KCNIP3: variants seen among roughly 807,000 people sequenced by gnomAD.
KCNIP3 encodes the protein potassium voltage-gated channel interacting protein 3, also known as calsenilin.
In KCNIP3, 28 loss-of-function variants were observed where a neutral mutation model predicts 35.0. The observed-to-expected ratio is 0.80, with a 90% CI of 0.59 to 1.10. The LOEUF is 1.10. KCNIP3 is among the 50% of genes least tolerant of loss of function. The probability of loss-of-function intolerance (pLI) is 0.00; values close to 1 mark genes in which losing one functional copy is unlikely to be tolerated. For synonymous variants in KCNIP3, 134 were observed against 133.8 expected, an observed-to-expected ratio of 1.00 and a Z score of -0.01; for missense variants, 295 against 338.4, an observed-to-expected ratio of 0.87 and a Z score of 1.01.
intron 2 of KCNIP3, among the ~76,000 whole-genome samples, chr2:95,314,116 C>T (rs1440896135): frequency 6.6e-6 from 1 of 152,118 alleles, no homozygotes; most frequent in East Asian, 1.9e-4. Context: ...ATGGCAACCC[C>T]ACGTAAAATC....
Position 95,384,021 on chromosome 2 carries a change from C to T in KCNIP3, c.743C>T (p.Ser248Phe). The T allele has an allele frequency of 6.2e-7, 1 of 1,613,988 alleles. No individual in the cohort carries two copies. Among genetic ancestry groups the T allele is most frequent in the South Asian group, 1.1e-5 (1 of 91,084 alleles). The change falls in exon 9 of 9, where the codon TCC (serine) becomes TTC (phenylalanine). Residue 248 changes from serine (S) to phenylalanine (F), a missense_variant. Ser to Phe is a radical substitution (Grantham distance 155, BLOSUM62 -2). Transcript: ENST00000295225. ...ACQKDENIMS[S>F]MQLFENVI ...ATGCAGGATGAGAACATCATGAGCT[C>T]CATGCAGCTGTTTGAGAATGTCATC...
Position 95,378,491 on chromosome 2 carries a change from T to C in KCNIP3, c.448-3105T>C, listed in dbSNP as rs1680257642. Among the ~76,000 whole-genome samples the C allele has an allele frequency of 6.6e-6, 1 of 151,754 alleles. No individual in the cohort carries two copies. Among genetic ancestry groups the C allele is most frequent in the African/African-American group, 2.4e-5 (1 of 41,298 alleles). ...GGCTCACGCCTGCAATCCCAGCACT[T>C]TGAGAGGCCAAGGCGGTCAGATCAC... On this transcript the variant is annotated intron_variant, in intron 5 of 8. Coordinates refer to ENST00000295225, the MANE Select transcript of KCNIP3 (RefSeq NM_013434.5). This position sits in a 1 kb window ranked among gnomAD's most constrained non-coding sequence, Gnocchi z 4.0.
intron 1 of KCNIP3, among the ~76,000 whole-genome samples, chr2:95,300,772 T>C (rs1678006205): frequency 6.6e-6 from 1 of 152,216 alleles, no homozygotes; most frequent in African/African-American, 2.4e-5. Flanking sequence ...GCAGCTGAGC[T>C]GAGACGGGAG....
At chr2:95,300,395 A>C (rs1013402709) in intron 1 of KCNIP3, among the ~76,000 whole-genome samples, 17 of 152,246 alleles carry the variant, frequency 1.1e-4, no homozygotes, top group African/African-American at 4.1e-4. Context: ...GAGGGGCCTT[A>C]GAGCCCCCCT....
chr2:95,370,797 G>A (rs1680024150), intron 2 of KCNIP3, among the ~76,000 whole-genome samples: 2 of 151,334 alleles, frequency 1.3e-5, no homozygotes, highest in Non-Finnish European at 2.9e-5. Context: ...GTTTTGCTCT[G>A]TCAACAGGCT....
rs1409850571 is a variant in KCNIP3, at chr2:95,376,436, G to A, written c.447+1228G>A. Among the ~76,000 whole-genome samples the A allele has an allele frequency of 2.0e-5, 3 of 152,194 alleles. No individual in the cohort carries two copies. The highest frequency in any genetic ancestry group is 2.0e-4 in the Admixed American group (3 of 15,284). ...GTCACAGTCGCCCCTCACCTCCTGTGGCCATCACCCTCGCTGTCCTGAGGG... is the reference window on the plus strand; with the variant it reads ...GTCACAGTCGCCCCTCACCTCCTGTAGCCATCACCCTCGCTGTCCTGAGGG... On this transcript the variant is annotated intron_variant, in intron 5 of 8. Transcript: ENST00000295225. This position sits in a 1 kb window ranked among gnomAD's most constrained non-coding sequence, Gnocchi z 4.2.
At position 95,297,935 on chromosome 2, in the gene KCNIP3, T is replaced by G. The variant is rs564180718; in HGVS notation, c.15+482T>G. ...GAGGTTGGTCAATGAACGCATCTTC[T>G]AATCAAGCAATCAAGTAACGAATGA... On this transcript the variant is annotated intron_variant, in intron 1 of 8. Transcript: ENST00000295225. Among the ~76,000 whole-genome samples the G allele has an allele frequency of 2.0e-5, 3 of 152,286 alleles. No individual in the cohort carries two copies. The East Asian group carries it at 5.8e-4, about 29-fold the overall frequency.
chr2:95,340,336 C>G (rs1679166099), intron 2 of KCNIP3, among the ~76,000 whole-genome samples: 1 of 78,650 alleles, frequency 1.3e-5, no homozygotes, highest in East Asian at 2.8e-4. Context: ...AACTCCATCT[C>G]AAAAACAAAC....
intron 2 of KCNIP3, among the ~76,000 whole-genome samples, chr2:95,315,733 T>C (rs1442618013): frequency 1.3e-5 from 2 of 149,556 alleles, no homozygotes; most frequent in Non-Finnish European, 1.5e-5. Context: ...ATAAGTCACC[T>C]CCGAAAGTTT....
At position 95,345,547 on chromosome 2, in the gene KCNIP3, C is replaced by T. The variant is rs548851577; in HGVS notation, c.182-28749C>T. 9.2e-5 allele frequency among the ~76,000 whole-genome samples: 14 copies of T among 152,376 alleles called. No homozygotes were observed. In the East Asian group the frequency reaches 2.3e-3, roughly 25 times the overall value. ...GCTCCCTAGATGGAAGCTGCAATTG[C>T]TCAGGCCGTGAGTCCAAACAGGACT... On this transcript the variant is annotated intron_variant, in intron 2 of 8. Coordinates refer to ENST00000295225, the MANE Select transcript of KCNIP3 (RefSeq NM_013434.5).
At chr2:95,326,228 TACAC>T (rs892766814) in intron 2 of KCNIP3, among the ~76,000 whole-genome samples, 54 of 140,438 alleles carry the variant, frequency 3.8e-4, no homozygotes, top group African/African-American at 1.3e-3. Context: ...CTCATACACA[TACAC>T]ATACACACAC....
intron 6 of KCNIP3, 69 bp downstream of exon 6, chr2:95,381,772 T>G: frequency 2.9e-6 from 3 of 1,051,022 alleles, no homozygotes; most frequent in Non-Finnish European, 4.4e-6. Flanking sequence ...CCCGCCGCTC[T>G]TCCTCTCCCT....
chr2:95,322,130 C>G (rs1395428550), intron 2 of KCNIP3, among the ~76,000 whole-genome samples: 1 of 152,044 alleles, frequency 6.6e-6, no homozygotes. Context: ...TTTGGGAGGT[C>G]GAGGTGGGCA....
At chr2:95,363,532 C>T (rs566562255) in intron 2 of KCNIP3, among the ~76,000 whole-genome samples, 1 of 152,246 alleles carries the variant, frequency 6.6e-6, no homozygotes, top group African/African-American at 2.4e-5. Flanking sequence ...AGAAACTCCT[C>T]CCTTGTTATT....
chr2:95,347,100 C>G, intron 2 of KCNIP3: 1 of 1,611,522 alleles, frequency 6.2e-7, no homozygotes, highest in Non-Finnish European at 8.5e-7. Flanking sequence ...AGTTCGGCAT[C>G]CTGGAGCCCA....
intron 1 of KCNIP3, among the ~76,000 whole-genome samples, chr2:95,309,166 G>A (rs532059012): frequency 2.0e-4 from 30 of 152,304 alleles, no homozygotes; most frequent in African/African-American, 7.0e-4. Flanking sequence ...CCCCGAGCAG[G>A]AGAGGACAGC....
intron 2 of KCNIP3, among the ~76,000 whole-genome samples, chr2:95,344,728 G>C (rs2104262283): frequency 6.6e-6 from 1 of 152,302 alleles, no homozygotes; most frequent in South Asian, 2.1e-4. Flanking sequence ...ATGCAGCTCT[G>C]AGGGTGCATT....
chr2:95,348,588 G>A (rs1003346854), intron 2 of KCNIP3, among the ~76,000 whole-genome samples: 1 of 152,180 alleles, frequency 6.6e-6, no homozygotes, highest in African/African-American at 2.4e-5. Flanking sequence ...CTAACAGCGG[G>A]TTCACCCACA....
intron 2 of KCNIP3, among the ~76,000 whole-genome samples, chr2:95,355,791 T>A (rs1679642656): frequency 6.6e-6 from 1 of 152,258 alleles, no homozygotes; most frequent in African/African-American, 2.4e-5. Context: ...TTGTGAATAG[T>A]GCTGCTATAA....
Sources: gnomAD v4.1 joint callset for allele counts (sites outside exome capture counted in the v4.1 genomes callset) on GRCh38, gnomAD v4.1.1 for gene constraint, Gnocchi (gnomAD v3.1) non-coding constraint, MANE v1.5 for transcripts, NCBI Gene and HGNC (gene_info 2026-07-23, HGNC 2026-07-21) for gene names.